MAP3K4: variants seen among roughly 807,000 people sequenced by gnomAD.
MAP3K4 encodes the protein MAP three kinase 1.
Under a neutral mutation model 185.6 loss-of-function variants are expected in MAP3K4, and 67 were observed. That is an observed-to-expected ratio of 0.36 (90% CI 0.30 to 0.44). The LOEUF is 0.44. Ranked by LOEUF, MAP3K4 falls within the 20% of genes least tolerant of loss-of-function variation. The pLI, the probability that MAP3K4 is intolerant of heterozygous loss-of-function variation, is 1.00. For missense variants in MAP3K4, 1,551 were observed against 1,995.1 expected (o/e 0.78, Z 4.24); for synonymous variants, 702 against 710.4 (o/e 0.99, Z 0.19).
In MAP3K4 at chr6:161,056,477, G is replaced by A. The variant is rs759917349; in HGVS notation, c.1707+6498G>A. 1.4e-4 allele frequency among the ~76,000 whole-genome samples: 22 copies of A among 152,040 alleles called. No homozygotes were observed. Among genetic ancestry groups the A allele is most frequent in the Non-Finnish European group, 3.1e-4 (21 of 68,022 alleles). On this transcript the variant is annotated intron_variant, in intron 3 of 26. Coordinates refer to ENST00000392142, the MANE Select transcript of MAP3K4 (RefSeq NM_005922.4). The surrounding 1 kb of genome is among the most constrained non-coding windows in gnomAD (Gnocchi z 5.4). ...TCATGAGTTCATACTGATGTCTTTC[G>A]CTCTGATTCAGCACAAGGTTCATTC...
chr6:161,024,490 A>G (rs1782547824), intron 1 of MAP3K4, among the ~76,000 whole-genome samples: 1 of 152,208 alleles, frequency 6.6e-6, no homozygotes, highest in Admixed American at 6.5e-5. Context: ...GATCCCATCC[A>G]GGGACCACAT....
Position 161,074,378 on chromosome 6 carries a change from G to A in MAP3K4, c.2097+766G>A, listed in dbSNP as rs1222585374. Among the ~76,000 whole-genome samples, 3 of 152,172 alleles carry A rather than the reference G, an allele frequency of 2.0e-5. No individual in the cohort carries two copies. Among genetic ancestry groups the A allele is most frequent in the Non-Finnish European group, 4.4e-5 (3 of 68,026 alleles). Reference sequence around the variant, plus strand: ...CTGTTCACATTCTTCTTTCCTGTTAGAAATGCCCCCTCCTCCACTTTATCT... The same window carrying A: ...CTGTTCACATTCTTCTTTCCTGTTAAAAATGCCCCCTCCTCCACTTTATCT... On this transcript the variant is annotated intron_variant, in intron 5 of 26. Transcript: ENST00000392142. This position sits in a 1 kb window ranked among gnomAD's most constrained non-coding sequence, Gnocchi z 5.0.
At position 161,022,953 on chromosome 6, in the gene MAP3K4, G is replaced by A. The variant is rs910816682; in HGVS notation, c.153-11306G>A. Among the ~76,000 whole-genome samples, 5 of 152,130 alleles carry A rather than the reference G, an allele frequency of 3.3e-5. No individual in the cohort carries two copies. The highest frequency in any genetic ancestry group is 7.3e-5 in the Non-Finnish European group (5 of 68,034). On this transcript the variant is annotated intron_variant, in intron 1 of 26. Coordinates refer to ENST00000392142, the MANE Select transcript of MAP3K4 (RefSeq NM_005922.4). This position sits in a 1 kb window ranked among gnomAD's most constrained non-coding sequence, Gnocchi z 4.2. ...GTGAAAATTCTTCATAACTTAATGG[G>A]TAACAAATTACAGAGCTGATTGAAA...
chr6:161,052,259 C>T (rs1784039146), intron 3 of MAP3K4, among the ~76,000 whole-genome samples: 1 of 147,428 alleles, frequency 6.8e-6, no homozygotes, highest in African/African-American at 2.5e-5. Flanking sequence ...TATGTTATAG[C>T]AAGAAAAGAT....
rs1049283811 is a variant in MAP3K4, at chr6:161,112,991, G to T, written c.4626+217G>T. Among the ~76,000 whole-genome samples, 1 of 152,316 alleles carries T rather than the reference G, an allele frequency of 6.6e-6. No individual in the cohort carries two copies. On this transcript the variant is annotated intron_variant, in intron 25 of 26. Transcript: ENST00000392142. The surrounding 1 kb of genome is among the most constrained non-coding windows in gnomAD (Gnocchi z 5.1). ...TCTGCCACAGAGAACTCTTATGAGT[G>T]AATTTAAGAAGCATAAACCTCTAAT...
chr6:161,028,307 T>C (rs1231272499), intron 1 of MAP3K4, among the ~76,000 whole-genome samples: 1 of 152,202 alleles, frequency 6.6e-6, no homozygotes, highest in African/African-American at 2.4e-5. Flanking sequence ...TTAAAGTGTT[T>C]ACAAGAAAAC....
At position 161,106,579 on chromosome 6, in the gene MAP3K4, A is replaced by T. The variant is rs765697681; in HGVS notation, c.3922A>T (p.Arg1308Trp). The change falls in exon 20 of 27, where the codon AGG (arginine) becomes TGG (tryptophan). Residue 1308 changes from arginine to tryptophan, a missense_variant. This residue lies in a region of MAP3K4 where 272 missense variants were observed against 301.2 expected (regional missense o/e 0.90). Transcript: ENST00000392142. The surrounding 1 kb of genome is among the most constrained non-coding windows in gnomAD (Gnocchi z 4.9). ...GTCAGTCCGATTGTTTGAAGAAAAG[A>T]GGTACCGAGAAATGAGGAGAAAGAA... ...QKSVRLFEEK[R>W]YREMRRKNII... 3.7e-6 allele frequency: 6 copies of T among 1,614,046 alleles called. No individual in the cohort carries two copies. The highest frequency in any genetic ancestry group is 5.1e-6 in the Non-Finnish European group (6 of 1,179,936).
chr6:161,075,931 G>A lies in MAP3K4; in HGVS notation c.2097+2319G>A, dbSNP rs71565788. Among the ~76,000 whole-genome samples the A allele has an allele frequency of 0.058, 8,795 of 152,192 alleles. 416 individuals are homozygous for A. The highest frequency in any genetic ancestry group is 0.25 in the East Asian group (1,304 of 5,174). ...GACTAGGGGAGCCCAAACAAAATCA[G>A]TGTTTCTATTAGGAAGGAAGGAAAG... On this transcript the variant is annotated intron_variant, in intron 5 of 26. Transcript: ENST00000392142. The surrounding 1 kb of genome is among the most constrained non-coding windows in gnomAD (Gnocchi z 4.3).
Position 161,098,002 on chromosome 6 carries a change from A to G in MAP3K4, c.3525-276A>G. On this transcript the variant is annotated intron_variant, in intron 16 of 26. Transcript: ENST00000392142. This position sits in a 1 kb window ranked among gnomAD's most constrained non-coding sequence, Gnocchi z 4.4. Reference sequence around the variant, plus strand: ...TCAGGAGGCTGAGGCAAGGAGGATCACTTGAGCCCAGGAGGTCAAGGCTGC... The same window carrying G: ...TCAGGAGGCTGAGGCAAGGAGGATCGCTTGAGCCCAGGAGGTCAAGGCTGC... 6.6e-6 allele frequency among the ~76,000 whole-genome samples: 1 copy of G among 152,192 alleles called. No individual in the cohort carries two copies. The highest frequency in any genetic ancestry group is 6.5e-5 in the Admixed American group (1 of 15,292).
chr6:161,117,102 T>C lies in MAP3K4; in HGVS notation c.*232T>C, dbSNP rs1031030707. On this transcript the variant is annotated 3_prime_UTR_variant, in exon 27 of 27. Coordinates refer to ENST00000392142, the MANE Select transcript of MAP3K4 (RefSeq NM_005922.4). ...GAAGCTGCATGTTAAGTGCCATTAC[T>C]ACTGTACACGGACCATCGCCTCTGT... 1 of 571,388 alleles carries C rather than the reference T, an allele frequency of 1.8e-6. No individual in the cohort carries two copies. The highest frequency in any genetic ancestry group is 3.1e-6 in the Non-Finnish European group (1 of 320,538). The allele number at this position is 571,388 out of a possible 1,614,324, so 35.4% of individuals were successfully genotyped here.
chr6:160,997,001 A>G (rs946364540), intron 1 of MAP3K4, among the ~76,000 whole-genome samples: 2 of 152,194 alleles, frequency 1.3e-5, no homozygotes, highest in Non-Finnish European at 1.5e-5. Context: ...TCTAGGCATC[A>G]CACAGGCTGC....
chr6:161,039,352 G>A (rs538694246), intron 2 of MAP3K4, among the ~76,000 whole-genome samples: 1 of 151,628 alleles, frequency 6.6e-6, no homozygotes, highest in African/African-American at 2.4e-5. Flanking sequence ...TAACTGAGGG[G>A]ACTATTTAGA....
Position 161,049,971 on chromosome 6 carries a change from C to T in MAP3K4, c.1699C>T (p.Pro567Ser). Reference protein sequence around the residue: ...ARIALVKNDRPVEFSEFPDPM... With the variant: ...ARIALVKNDRSVEFSEFPDPM... Reference sequence around the variant, plus strand: ...TATAGCATTGGTAAAGAACGATCGTCCAGTGGAGGTAGGTTTCCAGTAGGT... The same window carrying T: ...TATAGCATTGGTAAAGAACGATCGTTCAGTGGAGGTAGGTTTCCAGTAGGT... Residue 567 changes from proline to serine, a missense_variant, in exon 3 of 27, where the codon CCA becomes TCA. Pro to Ser is a moderately conservative substitution (Grantham distance 74). Transcript: ENST00000392142. This position sits in a 1 kb window ranked among gnomAD's most constrained non-coding sequence, Gnocchi z 8.4. The T allele has an allele frequency of 6.2e-7, 1 of 1,602,952 alleles. No homozygotes were observed. Among genetic ancestry groups the T allele is most frequent in the Non-Finnish European group, 8.5e-7 (1 of 1,175,110 alleles).
At chr6:161,000,819 AT>A in intron 1 of MAP3K4, among the ~76,000 whole-genome samples, 1 of 136,090 alleles carries the variant, frequency 7.3e-6, no homozygotes, top group African/African-American at 3.4e-5. Context: ...ATATACACAC[AT>A]GTGTATGCAC....
At position 161,039,296 on chromosome 6, in the gene MAP3K4, A is replaced by AAC. The variant is rs1554276225; in HGVS notation, c.343+4848_343+4849insCA. Reference sequence around the variant, plus strand: ...CAAAAATGCAAAAAAAAAAAAAAAAAAAAACATCAAGTACATCCCTGAAGG... The same window carrying AAC: ...CAAAAATGCAAAAAAAAAAAAAAAAAACAAAACATCAAGTACATCCCTGAAGG... On this transcript the variant is annotated intron_variant, in intron 2 of 26. Coordinates refer to ENST00000392142, the MANE Select transcript of MAP3K4 (RefSeq NM_005922.4). Among the ~76,000 whole-genome samples the AAC allele has an allele frequency of 5.9e-5, 9 of 151,950 alleles. No individual in the cohort carries two copies. The East Asian group carries it at 9.7e-4, about 16-fold the overall frequency.
Position 161,108,076 on chromosome 6 carries a change from C to A in MAP3K4, c.4119+107C>A. 1.1e-6 allele frequency: 1 copy of A among 932,578 alleles called. No homozygotes were observed. Among genetic ancestry groups the A allele is most frequent in the Non-Finnish European group, 1.6e-6 (1 of 614,408 alleles). The allele number at this position is 932,578 out of a possible 1,614,324, so 57.8% of individuals were successfully genotyped here. On this transcript the variant is annotated intron_variant, in intron 21 of 26. Coordinates refer to ENST00000392142, the MANE Select transcript of MAP3K4 (RefSeq NM_005922.4). The surrounding 1 kb of genome is among the most constrained non-coding windows in gnomAD (Gnocchi z 5.7). ...AGTTCTCTGTGCGTAGAGCTGTCTT[C>A]AGCACCAGCACTGCGACAGTCAGGA...
Position 161,108,685 on chromosome 6 carries a change from G to T in MAP3K4, c.4120-58G>T. ...TGCAAAATGATGTTTCAGTGTATGT[G>T]TATAATGTAGAGTGATTAAATCAAG... On this transcript the variant is annotated intron_variant, in intron 21 of 26. Coordinates refer to ENST00000392142, the MANE Select transcript of MAP3K4 (RefSeq NM_005922.4). The surrounding 1 kb of genome is among the most constrained non-coding windows in gnomAD (Gnocchi z 5.7). The T allele has an allele frequency of 1.1e-6, 1 of 935,750 alleles. No homozygotes were observed. Among genetic ancestry groups the T allele is most frequent in the Non-Finnish European group, 1.8e-6 (1 of 562,264 alleles). The allele number at this position is 935,750 out of a possible 1,614,324, so 58.0% of individuals were successfully genotyped here. A position where few individuals can be genotyped will look rare whatever the true frequency, so the allele number is the denominator to read the frequency against.
intron 1 of MAP3K4, among the ~76,000 whole-genome samples, chr6:161,029,675 C>G (rs947536028): frequency 1.3e-5 from 2 of 152,188 alleles, no homozygotes; most frequent in African/African-American, 4.8e-5. Context: ...CATCCCAAAT[C>G]ATTGGTATAC....
chr6:161,116,960 C>T lies in MAP3K4; in HGVS notation c.*90C>T. 8.1e-7 allele frequency: 1 copy of T among 1,232,048 alleles called. No homozygotes were observed. Among genetic ancestry groups the T allele is most frequent in the Non-Finnish European group, 1.2e-6 (1 of 839,922 alleles). The allele number at this position is 1,232,048 out of a possible 1,614,324, so 76.3% of individuals were successfully genotyped here. On this transcript the variant is annotated 3_prime_UTR_variant, in exon 27 of 27. Transcript: ENST00000392142. This position sits in a 1 kb window ranked among gnomAD's most constrained non-coding sequence, Gnocchi z 6.2. ...GACTGTGCTGAGAAGCAGTATAAGC[C>T]TTTTTAACCTTCCAAGACTGAAGAC...
Sources: gnomAD v4.1 joint callset for allele counts (sites outside exome capture counted in the v4.1 genomes callset) on GRCh38, gnomAD v4.1.1 for gene constraint, gnomAD v4.1.1 regional missense constraint, Gnocchi (gnomAD v3.1) non-coding constraint, MANE v1.5 for transcripts, NCBI Gene and HGNC (gene_info 2026-07-23, HGNC 2026-07-21) for gene names.